RGPD2: variants seen among roughly 807,000 people sequenced by gnomAD.
RGPD2 encodes the protein RANBP2-like and GRIP domain-containing protein 2.
RGPD2 carries 2 observed loss-of-function variants against 36.0 expected under a neutral mutation model. The ratio of observed to expected loss-of-function variants is 0.06; its 90% CI spans 0.02 to 0.17. The LOEUF (loss-of-function observed/expected upper bound fraction) is 0.17, where lower values mean the gene tolerates loss of function less well. Ranked by LOEUF, RGPD2 falls within the 10% of genes least tolerant of loss-of-function variation. The probability of loss-of-function intolerance (pLI) is 1.00; values close to 1 mark genes in which losing one functional copy is unlikely to be tolerated. For synonymous variants in RGPD2, 19 were observed against 163.8 expected (o/e 0.12, Z 6.75); for missense variants, 40 against 464.3 (o/e 0.09, Z 8.40).
At chr2:87,897,117 T>G in the RGPD2 span, among the ~76,000 whole-genome samples, 1 of 152,024 alleles carries the variant, frequency 6.6e-6, no homozygotes, top group African/African-American at 2.4e-5. Flanking sequence ...CTTACAAAAC[T>G]TAACCATTTG....
the RGPD2 span, among the ~76,000 whole-genome samples, chr2:87,885,295 C>A: frequency 5.8e-3 from 877 of 152,148 alleles, 2 homozygotes; most frequent in African/African-American, 0.02. Context: ...TTTGACAAAA[C>A]TTAACATCAT....
At chr2:87,959,186 T>TTGTAG in the RGPD2 span, among the ~76,000 whole-genome samples, 1 of 83,994 alleles carries the variant, frequency 1.2e-5, no homozygotes, top group African/African-American at 3.9e-5. Context: ...AGCCTAGGTT[T>TTGTAG]TGTAGTGTTC....
chr2:87,857,509 A>C, the RGPD2 span, among the ~76,000 whole-genome samples: 4 of 151,424 alleles, frequency 2.6e-5, no homozygotes, highest in South Asian at 8.3e-4. Context: ...CGCCTGGCTA[A>C]TTTTTTGTAT....
chr2:87,870,310 A>G, the RGPD2 span, among the ~76,000 whole-genome samples: 1 of 152,284 alleles, frequency 6.6e-6, no homozygotes, highest in Admixed American at 6.5e-5. Flanking sequence ...TCTATAGACC[A>G]AAGTCTATAG....
Sources: gnomAD v4.1 joint callset for allele counts (sites outside exome capture counted in the v4.1 genomes callset) on GRCh38, gnomAD v4.1.1 for gene constraint, MANE v1.5 for transcripts, NCBI Gene and HGNC (gene_info 2026-07-23, HGNC 2026-07-21) for gene names.